The following SLC7A14 variants were observed in gnomAD, a reference collection of about 807,000 sequenced individuals.
SLC7A14 encodes gamma-aminobutyric acid transporter SLC7A14.
SLC7A14 carries 37 observed loss-of-function variants against 60.2 expected under a neutral mutation model. The ratio of observed to expected loss-of-function variants is 0.61; its 90% CI spans 0.47 to 0.81. The LOEUF is 0.81. SLC7A14 is among the 30% of genes least tolerant of loss of function. The pLI, the probability that SLC7A14 is intolerant of heterozygous loss-of-function variation, is 0.00. For synonymous variants in SLC7A14, 399 were observed against 395.8 expected, an observed-to-expected ratio of 1.01 and a Z score of -0.10; for missense variants, 886 against 982.7, an observed-to-expected ratio of 0.90 and a Z score of 1.32.
chr3:170,540,083 T>C (rs1236081356), intron 1 of SLC7A14, among the ~76,000 whole-genome samples: 1 of 152,150 alleles, frequency 6.6e-6, no homozygotes, highest in East Asian at 1.9e-4. Flanking sequence ...AGAGTGTGGA[T>C]ACCTTGGACA....
In SLC7A14 at chr3:170,498,669, CT is replaced by C. The variant is rs1712490593; in HGVS notation, c.756del (p.Val254CysfsTer44). The C allele has an allele frequency of 6.2e-7, 1 of 1,613,954 alleles. No individual in the cohort carries two copies. The highest frequency in any genetic ancestry group is 8.5e-7 in the Non-Finnish European group (1 of 1,180,006). On this transcript the variant is annotated frameshift_variant, in exon 4 of 8. Coordinates refer to ENST00000231706, the MANE Select transcript of SLC7A14 (RefSeq NM_020949.3). LOFTEE classifies it high-confidence loss of function. ...AEGQFLPHGWSGVLQGAATCF... is the reference protein window; with the variant it reads ...AEGQFLPHGWXGVLQGAATCF... The stretch of plus-strand genomic sequence containing the variant: ...CCAGGTGTTTGGAACAAACTTACCC[CT>C]GACCAGCCGTGGGGCAAGAACTGGC...
intron 1 of SLC7A14, among the ~76,000 whole-genome samples, chr3:170,574,539 A>G (rs1715035386): frequency 6.6e-6 from 1 of 152,174 alleles, no homozygotes; most frequent in Non-Finnish European, 1.5e-5. Context: ...TCCTGAGCAC[A>G]CTGTTTCCTA....
intron 1 of SLC7A14, among the ~76,000 whole-genome samples, chr3:170,546,419 T>C (rs905971918): frequency 6.6e-6 from 1 of 152,206 alleles, no homozygotes; most frequent in Non-Finnish European, 1.5e-5. Context: ...CAATGGTGAT[T>C]GACCCATGCC....
rs1739687075 is a variant in SLC7A14 at position 170,465,119 on chromosome 3, C to T, written c.*1936G>A. 6.6e-6 allele frequency: 1 copy of T among 152,026 alleles called. No individual in the cohort carries two copies. Among genetic ancestry groups the T allele is most frequent in the Non-Finnish European group, 1.5e-5 (1 of 67,980 alleles). The allele number at this position is 152,026 out of a possible 1,614,324, so 9.4% of individuals were successfully genotyped here. On this transcript the variant is annotated 3_prime_UTR_variant, in exon 8 of 8. Transcript: ENST00000231706. Reference sequence around the variant, plus strand: ...GCATGATATTAAAATGACAAAATGACCTCAGGAAACCAGAGTTCTAAACAA... The same window carrying T: ...GCATGATATTAAAATGACAAAATGATCTCAGGAAACCAGAGTTCTAAACAA...
At chr3:170,566,798 C>T (rs1440943701) in intron 1 of SLC7A14, among the ~76,000 whole-genome samples, 1 of 151,230 alleles carries the variant, frequency 6.6e-6, no homozygotes, top group Non-Finnish European at 1.5e-5. Flanking sequence ...TGAGGATCAC[C>T]TTATAGTTCA....
At chr3:170,551,213 C>A (rs1376907001) in intron 1 of SLC7A14, among the ~76,000 whole-genome samples, 1 of 152,194 alleles carries the variant, frequency 6.6e-6, no homozygotes, top group Non-Finnish European at 1.5e-5. Flanking sequence ...CATGTTGTAT[C>A]ACATATCAGA....
At position 170,473,964 on chromosome 3, in the gene SLC7A14, G is replaced by A. The variant is rs889136801; in HGVS notation, c.1993+6325C>T. 7.2e-5 allele frequency among the ~76,000 whole-genome samples: 11 copies of A among 152,290 alleles called. No individual in the cohort carries two copies. The South Asian group carries it at 8.3e-4, about 12-fold the overall frequency. ...AGAATATGAAAAAACCTGGTAGTCT[G>A]AGCCAGCAATTCTAACTCAACAGAA... is the stretch of plus-strand genomic sequence containing the variant. On this transcript the variant is annotated intron_variant, in intron 7 of 7. Coordinates refer to ENST00000231706, the MANE Select transcript of SLC7A14 (RefSeq NM_020949.3).
intron 1 of SLC7A14, among the ~76,000 whole-genome samples, chr3:170,568,149 A>G (rs1338858414): frequency 6.6e-6 from 1 of 152,068 alleles, no homozygotes; most frequent in Non-Finnish European, 1.5e-5. Flanking sequence ...TAGGTCTAAC[A>G]TTTAAGTCTT....
In SLC7A14 at chr3:170,504,199, A is replaced by G. The variant is rs562504510; in HGVS notation, c.305-2854T>C. Among the ~76,000 whole-genome samples, 3 of 152,370 alleles carry G rather than the reference A, an allele frequency of 2.0e-5. No homozygotes were observed. The South Asian group carries it at 6.2e-4, about 32-fold the overall frequency. On this transcript the variant is annotated intron_variant, in intron 2 of 7. Transcript: ENST00000231706. ...GTTTACAGCCTCAAATATCCTGAGAAAAATGTTCTCATTCAACTATTTTAA... is the reference window on the plus strand; with the variant it reads ...GTTTACAGCCTCAAATATCCTGAGAGAAATGTTCTCATTCAACTATTTTAA...
intron 1 of SLC7A14, among the ~76,000 whole-genome samples, chr3:170,574,796 T>C (rs1251322200): frequency 6.6e-6 from 1 of 152,198 alleles, no homozygotes; most frequent in Non-Finnish European, 1.5e-5. Flanking sequence ...TGCCATGTTA[T>C]TTATCCTTGG....
At chr3:170,467,595 A>G (rs1055668437) in intron 7 of SLC7A14, among the ~76,000 whole-genome samples, 4 of 152,356 alleles carry the variant, frequency 2.6e-5, no homozygotes, top group Non-Finnish European at 4.4e-5. Context: ...CCATATTTAC[A>G]GATTTTCCTA....
At chr3:170,552,957 C>T (rs1417249023) in intron 1 of SLC7A14, among the ~76,000 whole-genome samples, 1 of 152,214 alleles carries the variant, frequency 6.6e-6, no homozygotes, top group African/African-American at 2.4e-5. Context: ...TGCACTGCCC[C>T]TCTACCAGGT....
intron 3 of SLC7A14, among the ~76,000 whole-genome samples, chr3:170,500,566 C>T (rs1712575240): frequency 6.6e-6 from 1 of 151,808 alleles, no homozygotes; most frequent in Non-Finnish European, 1.5e-5. Flanking sequence ...CCTCCCTGAC[C>T]TCTTCTAGGC....
intron 2 of SLC7A14, among the ~76,000 whole-genome samples, chr3:170,507,328 C>T (rs542785598): frequency 6.6e-6 from 1 of 152,266 alleles, no homozygotes; most frequent in Non-Finnish European, 1.5e-5. Context: ...ATCTATATTT[C>T]AATCAGGAAA....
chr3:170,527,511 A>G (rs1198616934), intron 1 of SLC7A14, among the ~76,000 whole-genome samples: 1 of 152,132 alleles, frequency 6.6e-6, no homozygotes, highest in Admixed American at 6.5e-5. Flanking sequence ...ACTACCTCTT[A>G]CTTTGCCAAT....
chr3:170,542,208 T>A (rs1424962610), intron 1 of SLC7A14, among the ~76,000 whole-genome samples: 1 of 152,216 alleles, frequency 6.6e-6, no homozygotes, highest in East Asian at 1.9e-4. Flanking sequence ...CCAACATCTT[T>A]ACTGGAAAGA....
chr3:170,548,456 C>T (rs761185391), intron 1 of SLC7A14, among the ~76,000 whole-genome samples: 13 of 152,194 alleles, frequency 8.5e-5, no homozygotes, highest in Non-Finnish European at 1.6e-4. Context: ...ATGCCTCTAC[C>T]TGTGCTGCAG....
At chr3:170,472,581 C>T (rs985459694) in intron 7 of SLC7A14, among the ~76,000 whole-genome samples, 5 of 151,828 alleles carry the variant, frequency 3.3e-5, no homozygotes, top group Admixed American at 1.3e-4. Flanking sequence ...CTCGCTAACA[C>T]GGTGAAACCC....
chr3:170,576,527 T>A (rs1294609085), intron 1 of SLC7A14, among the ~76,000 whole-genome samples: 3 of 152,212 alleles, frequency 2.0e-5, no homozygotes, highest in Non-Finnish European at 4.4e-5. Flanking sequence ...CCCCATTGTT[T>A]TACTTATTGG....
Sources: gnomAD v4.1 joint callset for allele counts (sites outside exome capture counted in the v4.1 genomes callset) on GRCh38, gnomAD v4.1.1 for gene constraint, MANE v1.5 for transcripts, NCBI Gene and HGNC (gene_info 2026-07-23, HGNC 2026-07-21) for gene names.